Variants in PREX2 observed in about 807,000 individuals in gnomAD.
The protein encoded by PREX2 is phosphatidylinositol 3,4,5-trisphosphate-dependent Rac exchanger 2 protein.
A neutral mutation model predicts 203.2 loss-of-function variants in PREX2; 107 were observed. The ratio of observed to expected loss-of-function variants is 0.53; its 90% confidence interval spans 0.45 to 0.62. The LOEUF is 0.62. PREX2 is among the 20% of genes least tolerant of loss of function. The pLI, the probability that PREX2 is intolerant of heterozygous loss-of-function variation, is 0.00. For synonymous variants in PREX2, 672 were observed against 663.6 expected (o/e 1.01, Z -0.19); for missense variants, 1,777 against 1,955.9 (o/e 0.91, Z 1.72).
At chr8:68,010,418 T>C (rs1377773755) in intron 1 of PREX2, among the ~76,000 whole-genome samples, 1 of 152,216 alleles carries the variant, frequency 6.6e-6, no homozygotes, top group Non-Finnish European at 1.5e-5. Context: ...ACTTACCCTT[T>C]AGTTCTGTTC....
intron 1 of PREX2, among the ~76,000 whole-genome samples, chr8:67,961,257 AG>A (rs988911101): frequency 6.6e-6 from 1 of 151,940 alleles, no homozygotes; most frequent in Non-Finnish European, 1.5e-5. Context: ...TAATTGTTTT[AG>A]TTTGCATTAT....
Position 68,109,585 on chromosome 8 carries a change from A to C in PREX2, c.3108A>C (p.Ala1036=), listed in dbSNP as rs1563550251. 6.2e-7 allele frequency: 1 copy of C among 1,614,018 alleles called. No homozygotes were observed. Among genetic ancestry groups the C allele is most frequent in the Admixed American group, 1.7e-5 (1 of 60,020 alleles). ...AACTGCTGGGCAAACTTCAGACTGC[A>C]CTGAAAGAGGTGGAGATGTGTGTTT... ...YQKLLGKLQT[A]LKEVEMCVCQ... Residue 1036 remains alanine, a synonymous_variant, in exon 25 of 40, where the codon GCA becomes GCC. Transcript: ENST00000288368.
At chr8:68,002,171 G>A (rs1214235869) in intron 1 of PREX2, among the ~76,000 whole-genome samples, 1 of 129,746 alleles carries the variant, frequency 7.7e-6, no homozygotes, top group South Asian at 2.5e-4. Flanking sequence ...TTTTTGAGGT[G>A]GAGTCTCGCT....
chr8:68,210,455 A>G (rs1812721513), intron 37 of PREX2, among the ~76,000 whole-genome samples: 1 of 152,218 alleles, frequency 6.6e-6, no homozygotes, highest in Admixed American at 6.5e-5. Context: ...CAAGCAAAAT[A>G]TCAGTGTTCC....
chr8:68,156,195 G>A, intron 34 of PREX2, among the ~76,000 whole-genome samples: 1 of 152,112 alleles, frequency 6.6e-6, no homozygotes, highest in Non-Finnish European at 1.5e-5. Flanking sequence ...TGAGTAACTA[G>A]GACTACGGGT....
Position 68,120,256 on chromosome 8 carries a change from A to G in PREX2, c.3565A>G (p.Lys1189Glu), listed in dbSNP as rs1329350461. The G allele has an allele frequency of 1.2e-6, 2 of 1,613,844 alleles. No individual in the cohort carries two copies. Among genetic ancestry groups the G allele is most frequent in the South Asian group, 2.2e-5 (2 of 91,078 alleles). ...TGTTGTGAGGGCCTTTGACCAAACC[A>G]AGTATCTCACTCCAGGCCGAGGATT... ...QAVVRAFDQT[K>E]YLTPGRGLQE... The change falls in exon 29 of 40, where the codon AAG (lysine) becomes GAG (glutamate). Residue 1189 changes from lysine (K) to glutamate (E), a missense_variant. Coordinates refer to ENST00000288368, the MANE Select transcript of PREX2 (RefSeq NM_024870.4).
intron 19 of PREX2, 104 bp downstream of exon 19, chr8:68,087,913 C>G: frequency 3.7e-6 from 3 of 814,022 alleles, no homozygotes; most frequent in Non-Finnish European, 6.6e-6. Flanking sequence ...TGTGATGATT[C>G]TCAATTATAT....
At chr8:68,086,798 G>A (rs1407198617) in intron 18 of PREX2, among the ~76,000 whole-genome samples, 7 of 151,636 alleles carry the variant, frequency 4.6e-5, no homozygotes, top group Admixed American at 4.6e-4. Flanking sequence ...TCTTATTCAG[G>A]TTTGCCTTCT....
At chr8:68,047,618 T>C (rs1808408118) in intron 8 of PREX2, among the ~76,000 whole-genome samples, 1 of 150,918 alleles carries the variant, frequency 6.6e-6, no homozygotes, top group Non-Finnish European at 1.5e-5. Flanking sequence ...TAGGCTGGAC[T>C]TGAACCCATG....
At chr8:68,062,243 C>G (rs1430799726) in intron 11 of PREX2, among the ~76,000 whole-genome samples, 2 of 152,168 alleles carry the variant, frequency 1.3e-5, no homozygotes, top group Non-Finnish European at 2.9e-5. Context: ...GTCATCTCCT[C>G]CTTTGCTTCC....
At chr8:68,014,447 CG>C (rs200517755) in intron 1 of PREX2, among the ~76,000 whole-genome samples, 2 of 150,924 alleles carry the variant, frequency 1.3e-5, no homozygotes, top group Non-Finnish European at 3.0e-5. Flanking sequence ...CCTCGGGGTG[CG>C]GGGGGGGCGG....
intron 10 of PREX2, among the ~76,000 whole-genome samples, chr8:68,058,813 T>C (rs960874814): frequency 1.3e-5 from 2 of 152,232 alleles, no homozygotes; most frequent in Non-Finnish European, 2.9e-5. Context: ...CTCATGGTCA[T>C]GCACGTAGTG....
At chr8:68,067,082 T>C (rs1809037134) in intron 11 of PREX2, among the ~76,000 whole-genome samples, 1 of 152,094 alleles carries the variant, frequency 6.6e-6, no homozygotes, top group Non-Finnish European at 1.5e-5. Flanking sequence ...TTCTGTTCCA[T>C]TGGTCTATAT....
At chr8:68,110,279 A>G (rs750875701) in intron 25 of PREX2, among the ~76,000 whole-genome samples, 1 of 152,216 alleles carries the variant, frequency 6.6e-6, no homozygotes, top group African/African-American at 2.4e-5. Context: ...ATATCATGGT[A>G]TAGGACGATG....
In PREX2 at chr8:68,204,037, C is replaced by T. The variant is rs572035931; in HGVS notation, c.4604+11512C>T. ...CCAACCTATTCAGTTAAATTCCCCC[C>T]GCCCCACCCACCAAAATAGAAATGA... On this transcript the variant is annotated intron_variant, in intron 37 of 39. Transcript: ENST00000288368. Among the ~76,000 whole-genome samples the T allele has an allele frequency of 2.0e-4, 31 of 152,122 alleles. No homozygotes were observed. In the South Asian group the frequency reaches 3.7e-3, roughly 18 times the overall value.
intron 37 of PREX2, among the ~76,000 whole-genome samples, chr8:68,215,573 C>T (rs557993732): frequency 5.9e-5 from 9 of 151,888 alleles, no homozygotes; most frequent in East Asian, 1.9e-4. Context: ...GTCTCGCTGT[C>T]GCCCAGGCTT....
At chr8:68,174,899 T>C (rs1811949408) in intron 35 of PREX2, among the ~76,000 whole-genome samples, 1 of 152,254 alleles carries the variant, frequency 6.6e-6, no homozygotes, top group Non-Finnish European at 1.5e-5. Flanking sequence ...CCTTCCATTC[T>C]GTTTTGTGAA....
chr8:68,105,864 C>G (rs1038447934), intron 23 of PREX2: 5 of 151,454 alleles, frequency 3.3e-5, no homozygotes, highest in Non-Finnish European at 5.9e-5. Context: ...AGAATACATC[C>G]CCGTTGTTAA....
intron 37 of PREX2, among the ~76,000 whole-genome samples, chr8:68,203,742 A>G (rs185328144): frequency 6.6e-6 from 1 of 152,134 alleles, no homozygotes; most frequent in Non-Finnish European, 1.5e-5. Flanking sequence ...GTGCACCCTG[A>G]TGAGGAGCCT....
Sources: gnomAD v4.1 joint callset for allele counts (sites outside exome capture counted in the v4.1 genomes callset) on GRCh38, gnomAD v4.1.1 for gene constraint, MANE v1.5 for transcripts, NCBI Gene and HGNC (gene_info 2026-07-23, HGNC 2026-07-21) for gene names.